Variants in PKP4 observed in about 807,000 individuals in gnomAD.
PKP4 encodes plakophilin 4, also known as plakophilin-4.
A neutral mutation model predicts 145.1 loss-of-function variants in PKP4; 90 were observed. That is an observed-to-expected ratio of 0.62 (90% CI 0.52 to 0.74). PKP4 has a LOEUF of 0.74. PKP4 is among the 30% of genes least tolerant of loss of function. PKP4 has a pLI of 0.00. For missense variants in PKP4, 1,340 were observed against 1,482.7 expected, an observed-to-expected ratio of 0.90 and a Z score of 1.58; for synonymous variants, 563 against 577.2, an observed-to-expected ratio of 0.98 and a Z score of 0.35.
intron 1 of PKP4, among the ~76,000 whole-genome samples, chr2:158,463,096 C>T (rs769224819): frequency 6.6e-6 from 1 of 152,006 alleles, no homozygotes; most frequent in Non-Finnish European, 1.5e-5. Context: ...CCATTGTGAG[C>T]TTGATAGTTT....
intron 4 of PKP4, among the ~76,000 whole-genome samples, chr2:158,616,223 C>T (rs1014104350): frequency 6.6e-6 from 1 of 152,164 alleles, no homozygotes; most frequent in Admixed American, 6.5e-5. Context: ...GACCTCATTC[C>T]CTCTGATGAT....
At chr2:158,500,494 T>C (rs1057336915) in intron 1 of PKP4, among the ~76,000 whole-genome samples, 1 of 152,234 alleles carries the variant, frequency 6.6e-6, no homozygotes, top group Non-Finnish European at 1.5e-5. Flanking sequence ...ATATTTTGTT[T>C]CCCTGAGCAA....
chr2:158,475,232 G>A (rs1298732341), intron 1 of PKP4, among the ~76,000 whole-genome samples: 2 of 152,136 alleles, frequency 1.3e-5, no homozygotes, highest in Non-Finnish European at 2.9e-5. Context: ...GACCCCTGGT[G>A]CCACTTTTTA....
chr2:158,510,584 G>T (rs879596727), intron 1 of PKP4, among the ~76,000 whole-genome samples: 2 of 152,226 alleles, frequency 1.3e-5, no homozygotes, highest in Non-Finnish European at 2.9e-5. Context: ...CAAAGTGCCT[G>T]TGTGTCAAAG....
chr2:158,492,024 G>A (rs907000379), intron 1 of PKP4, among the ~76,000 whole-genome samples: 2 of 152,110 alleles, frequency 1.3e-5, no homozygotes, highest in Non-Finnish European at 2.9e-5. Context: ...GGCAGGGCTG[G>A]TCTCAAACCT....
intron 1 of PKP4, among the ~76,000 whole-genome samples, chr2:158,518,356 C>T (rs978247845): frequency 6.6e-6 from 1 of 152,232 alleles, no homozygotes; most frequent in Non-Finnish European, 1.5e-5. Context: ...AAGATCACAT[C>T]TGCCACATTC....
intron 1 of PKP4, among the ~76,000 whole-genome samples, chr2:158,462,946 T>C (rs986169756): frequency 4.6e-5 from 7 of 152,194 alleles, no homozygotes; most frequent in African/African-American, 1.7e-4. Context: ...ATTTTTACAT[T>C]GTGGTGCTTT....
chr2:158,483,975 G>A (rs1000442973), intron 1 of PKP4, among the ~76,000 whole-genome samples: 1 of 150,442 alleles, frequency 6.6e-6, no homozygotes, highest in African/African-American at 2.4e-5. Flanking sequence ...TTGTGTGTGT[G>A]TATACATTAA....
At chr2:158,489,433 A>G (rs1037473229) in intron 1 of PKP4, among the ~76,000 whole-genome samples, 2 of 152,208 alleles carry the variant, frequency 1.3e-5, no homozygotes, top group African/African-American at 4.8e-5. Context: ...CTAGAAGAAA[A>G]TGATTGGCTG....
intron 4 of PKP4, among the ~76,000 whole-genome samples, chr2:158,608,842 C>G (rs1273757202): frequency 1.0e-5 from 1 of 95,806 alleles, no homozygotes; most frequent in Non-Finnish European, 1.9e-5. Context: ...GAGACGGAGT[C>G]TTGCTCTGTT....
At chr2:158,619,575 A>T (rs748338086) in intron 4 of PKP4, among the ~76,000 whole-genome samples, 5 of 152,230 alleles carry the variant, frequency 3.3e-5, no homozygotes, top group Non-Finnish European at 7.3e-5. Context: ...CTTAATCAGC[A>T]GTCCCTAAGA....
chr2:158,608,808 CTTTTTTTTTTT>C (rs66933766), intron 4 of PKP4, among the ~76,000 whole-genome samples: 1 of 86,182 alleles, frequency 1.2e-5, no homozygotes, highest in Non-Finnish European at 2.1e-5. Flanking sequence ...TCTTTTCTTT[CTTTTTTTTTTT>C]TTTTTTTTTT....
chr2:158,639,828 G>A (rs776272194), intron 9 of PKP4, among the ~76,000 whole-genome samples: 3 of 152,150 alleles, frequency 2.0e-5, no homozygotes, highest in Admixed American at 6.5e-5. Context: ...GTACCGCTTC[G>A]CAGTTTACAG....
intron 2 of PKP4, among the ~76,000 whole-genome samples, chr2:158,534,487 A>G (rs1454580177): frequency 1.3e-5 from 2 of 152,204 alleles, no homozygotes; most frequent in Admixed American, 6.5e-5. Flanking sequence ...AAACTATAAA[A>G]TGTCTAAGCT....
intron 2 of PKP4, among the ~76,000 whole-genome samples, chr2:158,562,156 T>G (rs532453875): frequency 6.6e-5 from 10 of 152,208 alleles, no homozygotes; most frequent in Non-Finnish European, 1.3e-4. Context: ...AGATATGTTT[T>G]GTTGCAGAAT....
intron 3 of PKP4, among the ~76,000 whole-genome samples, chr2:158,581,379 G>T (rs11679320): frequency 0.11 from 17,415 of 152,150 alleles, 1,264 homozygotes; most frequent in Non-Finnish European, 0.16. Flanking sequence ...TGGATCCTGT[G>T]GCAGAGTTGG....
rs183689605 is a variant in PKP4, at chr2:158,620,599, G to A, written c.281-391G>A. Among the ~76,000 whole-genome samples the A allele has an allele frequency of 3.6e-3, 547 of 152,268 alleles. 4 individuals are homozygous for A. The highest frequency in any genetic ancestry group is 0.013 in the African/African-American group (527 of 41,558). On this transcript the variant is annotated intron_variant, in intron 4 of 21. Coordinates refer to ENST00000389759, the MANE Select transcript of PKP4 (RefSeq NM_003628.6). The stretch of plus-strand genomic sequence containing the variant: ...CACCAAGCTCAATAATATGAACGTT[G>A]TGTAAGTTTTCATTTTTAATTGTTT...
chr2:158,589,201 G>T (rs188421441), intron 3 of PKP4, among the ~76,000 whole-genome samples: 2 of 152,204 alleles, frequency 1.3e-5, no homozygotes, highest in African/African-American at 4.8e-5. Flanking sequence ...TAAATGTCTC[G>T]TGCATGTTAT....
In PKP4 at chr2:158,676,798, G is replaced by A. The variant is rs1242460704; in HGVS notation, c.3187G>A (p.Asp1063Asn). ...AATCAGAGACCCTCGCTCTGAATAC[G>A]ATAGGACCCAGCCACCTATGCAGTA... is the stretch of plus-strand genomic sequence containing the variant. ...LGIRDPRSEY[D>N]RTQPPMQYYN... The change falls in exon 20 of 22, where the codon GAT (aspartate) becomes AAT (asparagine). Residue 1063 changes from aspartate (D) to asparagine (N), a missense_variant. By Grantham distance (23) the Asp-to-Asn change is conservative (BLOSUM62 1). Coordinates refer to ENST00000389759, the MANE Select transcript of PKP4 (RefSeq NM_003628.6). 7.4e-6 allele frequency: 12 copies of A among 1,614,026 alleles called. No homozygotes were observed. The East Asian group carries it at 1.6e-4, about 21-fold the overall frequency.
Sources: gnomAD v4.1 joint callset for allele counts (sites outside exome capture counted in the v4.1 genomes callset) on GRCh38, gnomAD v4.1.1 for gene constraint, MANE v1.5 for transcripts, NCBI Gene and HGNC (gene_info 2026-07-23, HGNC 2026-07-21) for gene names.